The following RYR2 variants were observed in gnomAD, a reference collection of about 807,000 sequenced individuals.
RYR2 encodes the protein cardiac muscle ryanodine receptor-calcium release channel.
Under a neutral mutation model 601.1 loss-of-function variants are expected in RYR2, and 227 were observed. The ratio of observed to expected loss-of-function variants is 0.38; its 90% CI spans 0.34 to 0.42. RYR2 has a LOEUF of 0.42. Ranked by LOEUF, RYR2 falls within the 10% of genes least tolerant of loss-of-function variation. The pLI, the probability that RYR2 is intolerant of heterozygous loss-of-function variation, is 1.00. For synonymous variants in RYR2, 2,223 were observed against 2,175.1 expected (o/e 1.02, Z -0.61); for missense variants, 4,646 against 6,156.5 (o/e 0.75, Z 8.21).
At chr1:237,806,355 T>A (rs1231932260) in intron 99 of RYR2, 72 bp downstream of exon 99, 1 of 1,401,880 alleles carries the variant, frequency 7.1e-7, no homozygotes, top group Non-Finnish European at 9.9e-7. Flanking sequence ...AAAATAAAAC[T>A]ACCCCTCAAA....
intron 1 of RYR2, among the ~76,000 whole-genome samples, chr1:237,109,015 G>A (rs1163251495): frequency 6.6e-6 from 1 of 152,070 alleles, no homozygotes; most frequent in Non-Finnish European, 1.5e-5. Flanking sequence ...TCAGGGCTTG[G>A]GATTCTTGCC....
At chr1:237,697,546 T>C (rs1687600094) in intron 63 of RYR2, among the ~76,000 whole-genome samples, 1 of 146,958 alleles carries the variant, frequency 6.8e-6, no homozygotes, top group African/African-American at 2.5e-5. Flanking sequence ...ATTTTTTATA[T>C]ATATTTAACT....
chr1:237,129,123 C>T (rs1249608445), intron 1 of RYR2, among the ~76,000 whole-genome samples: 1 of 152,196 alleles, frequency 6.6e-6, no homozygotes, highest in Non-Finnish European at 1.5e-5. Context: ...CCACTACAAC[C>T]TTCCCAGCCC....
At chr1:237,649,377 G>A (rs1315987744) in intron 49 of RYR2, among the ~76,000 whole-genome samples, 1 of 152,124 alleles carries the variant, frequency 6.6e-6, no homozygotes, top group Non-Finnish European at 1.5e-5. Flanking sequence ...TTCACCTGAC[G>A]TTGTGGACCT....
intron 1 of RYR2, among the ~76,000 whole-genome samples, chr1:237,181,085 G>A (rs948098677): frequency 6.6e-6 from 1 of 151,972 alleles, no homozygotes; most frequent in East Asian, 1.9e-4. Flanking sequence ...CCGGGTTCAA[G>A]CAATTCTCCT....
At chr1:237,164,202 G>A (rs879527166) in intron 1 of RYR2, among the ~76,000 whole-genome samples, 6 of 152,198 alleles carry the variant, frequency 3.9e-5, no homozygotes, top group African/African-American at 9.6e-5. Flanking sequence ...CGAGAGAATC[G>A]CTTGAAACCA....
At chr1:237,552,341 T>A (rs538811015) in intron 27 of RYR2, among the ~76,000 whole-genome samples, 1 of 152,192 alleles carries the variant, frequency 6.6e-6, no homozygotes, top group Non-Finnish European at 1.5e-5. Context: ...TATATAATTA[T>A]GTTTTTAAAT....
At chr1:237,336,970 G>T (rs1387062891) in intron 3 of RYR2, among the ~76,000 whole-genome samples, 8 of 151,872 alleles carry the variant, frequency 5.3e-5, no homozygotes, top group Admixed American at 4.6e-4. Context: ...AATGCATGGG[G>T]CTGGGCACGG....
chr1:237,330,319 G>GT (rs1338408549), intron 2 of RYR2, among the ~76,000 whole-genome samples: 1 of 152,216 alleles, frequency 6.6e-6, no homozygotes, highest in African/African-American at 2.4e-5. Context: ...AGAGTAAGCT[G>GT]TGTCTCCTTA....
chr1:237,247,830 C>T (rs1240240346), intron 1 of RYR2, among the ~76,000 whole-genome samples: 1 of 152,126 alleles, frequency 6.6e-6, no homozygotes. Context: ...TCCAGGATAT[C>T]TTAGGTGAGT....
intron 1 of RYR2, 113 bp downstream of exon 1, chr1:237,042,682 G>T: frequency 1.9e-6 from 2 of 1,071,842 alleles, no homozygotes; most frequent in South Asian, 4.7e-5. Flanking sequence ...GGGGCGAGGG[G>T]GTGCCCCCTG....
chr1:237,584,513 G>C (rs976533048), intron 29 of RYR2, among the ~76,000 whole-genome samples: 1 of 152,116 alleles, frequency 6.6e-6, no homozygotes, highest in Admixed American at 6.6e-5. Flanking sequence ...CCAGTGTGTA[G>C]AACAGTTCCT....
At chr1:237,449,066 C>T (rs147847932) in intron 14 of RYR2, among the ~76,000 whole-genome samples, 5 of 152,256 alleles carry the variant, frequency 3.3e-5, no homozygotes, top group Admixed American at 6.5e-5. Flanking sequence ...CACACACACA[C>T]GCCACCACCA....
intron 10 of RYR2, among the ~76,000 whole-genome samples, chr1:237,396,446 T>TA (rs1324531105): frequency 6.6e-6 from 1 of 152,230 alleles, no homozygotes; most frequent in Non-Finnish European, 1.5e-5. Context: ...ATGCTACAGA[T>TA]TCTTCCATAG....
At chr1:237,805,831 T>C (rs1208173395) in intron 98 of RYR2, among the ~76,000 whole-genome samples, 1 of 152,096 alleles carries the variant, frequency 6.6e-6, no homozygotes, top group Non-Finnish European at 1.5e-5. Flanking sequence ...TTTGAAACTA[T>C]ATATTATTGT....
intron 63 of RYR2, among the ~76,000 whole-genome samples, chr1:237,690,453 C>T (rs1007742281): frequency 6.6e-6 from 1 of 152,128 alleles, no homozygotes; most frequent in African/African-American, 2.4e-5. Context: ...ATAGTTTTCA[C>T]ATATAAGATG....
At chr1:237,095,097 T>C (rs1667382194) in intron 1 of RYR2, among the ~76,000 whole-genome samples, 1 of 152,236 alleles carries the variant, frequency 6.6e-6, no homozygotes, top group African/African-American at 2.4e-5. Flanking sequence ...CAAATTAAAA[T>C]GTTGAAAATA....
At chr1:237,295,715 T>C (rs1407473034) in intron 2 of RYR2, among the ~76,000 whole-genome samples, 3 of 152,212 alleles carry the variant, frequency 2.0e-5, no homozygotes, top group Admixed American at 2.0e-4. Flanking sequence ...TTGGGATCTT[T>C]TAATATATGT....
chr1:237,667,538 G>A (rs1684433671), intron 57 of RYR2, among the ~76,000 whole-genome samples: 1 of 152,042 alleles, frequency 6.6e-6, no homozygotes, highest in African/African-American at 2.4e-5. Flanking sequence ...AGTTGCATAA[G>A]GTTTAGGTCA....
Sources: gnomAD v4.1 joint callset for allele counts (sites outside exome capture counted in the v4.1 genomes callset) on GRCh38, gnomAD v4.1.1 for gene constraint, MANE v1.5 for transcripts, NCBI Gene and HGNC (gene_info 2026-07-23, HGNC 2026-07-21) for gene names.